Variants in PAK2 observed in about 807,000 individuals in gnomAD.
PAK2 encodes the protein serine/threonine-protein kinase PAK 2.
In PAK2, 21 loss-of-function variants were observed where a neutral mutation model predicts 65.9. The ratio of observed to expected loss-of-function variants is 0.32; its 90% CI spans 0.23 to 0.46. PAK2 has a LOEUF of 0.46. PAK2 is among the 20% of genes least tolerant of loss of function. The probability of loss-of-function intolerance (pLI) is 1.00; values close to 1 mark genes in which losing one functional copy is unlikely to be tolerated. For missense variants in PAK2, 324 were observed against 642.6 expected (o/e 0.50, Z 5.36); for synonymous variants, 204 against 219.7 (o/e 0.93, Z 0.63).
rs375173664 is a variant in PAK2 at position 196,765,393 on chromosome 3, C to T, written c.-21-17233C>T. Among the ~76,000 whole-genome samples the T allele has an allele frequency of 1.2e-3, 179 of 152,186 alleles. 1 individual carries two copies. The highest frequency in any genetic ancestry group is 4.1e-3 in the African/African-American group (171 of 41,520). On this transcript the variant is annotated intron_variant, in intron 1 of 14. Coordinates refer to ENST00000327134, the MANE Select transcript of PAK2 (RefSeq NM_002577.4). The stretch of plus-strand genomic sequence containing the variant: ...TCGAACTCCTGGCCTCAAGCAATCC[C>T]CCACCTCCGCCTCCTGAGTAACTGG...
chr3:196,824,156 T>C (rs1269026654), intron 13 of PAK2, among the ~76,000 whole-genome samples: 1 of 151,922 alleles, frequency 6.6e-6, no homozygotes, highest in East Asian at 1.9e-4. Flanking sequence ...CAAGAGAAAA[T>C]CATTAAGACT....
chr3:196,740,648 C>T (rs1307444004), intron 1 of PAK2, among the ~76,000 whole-genome samples: 1 of 152,186 alleles, frequency 6.6e-6, no homozygotes, highest in Non-Finnish European at 1.5e-5. Context: ...GTTTTCTCAG[C>T]TCCAGCCTGT....
intron 1 of PAK2, among the ~76,000 whole-genome samples, chr3:196,769,172 CA>C (rs1365561801): frequency 6.6e-6 from 1 of 151,666 alleles, no homozygotes; most frequent in Non-Finnish European, 1.5e-5. Flanking sequence ...ACAGAAAATA[CA>C]AAAATTAGCT....
chr3:196,764,897 C>T (rs1162931038), intron 1 of PAK2, among the ~76,000 whole-genome samples: 1 of 141,510 alleles, frequency 7.1e-6, no homozygotes, highest in East Asian at 2.1e-4. Flanking sequence ...GGCTGGAGTG[C>T]AGTGGTGCGA....
At chr3:196,758,505 T>G (rs1290278427) in intron 1 of PAK2, among the ~76,000 whole-genome samples, 1 of 152,146 alleles carries the variant, frequency 6.6e-6, no homozygotes, top group African/African-American at 2.4e-5. Context: ...TAGAAAAAAC[T>G]TAAAGCCTGA....
chr3:196,798,533 G>A (rs1430735581), intron 2 of PAK2, among the ~76,000 whole-genome samples: 1 of 151,866 alleles, frequency 6.6e-6, no homozygotes, highest in East Asian at 1.9e-4. Context: ...TAGTAGAGAC[G>A]AGACTTCACC....
chr3:196,799,740 C>T (rs1167249796), intron 2 of PAK2, among the ~76,000 whole-genome samples: 1 of 152,104 alleles, frequency 6.6e-6, no homozygotes, highest in Non-Finnish European at 1.5e-5. Context: ...CTGCAGCCTC[C>T]ACCTCCTGGG....
chr3:196,778,252 C>G (rs1171253191), intron 1 of PAK2, among the ~76,000 whole-genome samples: 1 of 152,132 alleles, frequency 6.6e-6, no homozygotes. Context: ...AAACAATATT[C>G]CATCTTATGG....
chr3:196,811,231 T>TCCCTTCCCTCCC (rs1560113637), intron 8 of PAK2, among the ~76,000 whole-genome samples: 1 of 2,864 alleles, frequency 3.5e-4, no homozygotes, highest in Non-Finnish European at 7.0e-4. Flanking sequence ...CTCCCTTCCC[T>TCCCTTCCCTCCC]TCCCTTCCTT....
At chr3:196,826,383 A>G (rs1459418044) in intron 13 of PAK2, among the ~76,000 whole-genome samples, 1 of 151,608 alleles carries the variant, frequency 6.6e-6, no homozygotes, top group Non-Finnish European at 1.5e-5. Flanking sequence ...CATGTTAGTC[A>G]GGATGCTCTC....
Position 196,794,170 on chromosome 3 carries a change from C to T in PAK2, c.188-7757C>T, listed in dbSNP as rs566565219. On this transcript the variant is annotated intron_variant, in intron 2 of 14. Transcript: ENST00000327134. Reference sequence around the variant, plus strand: ...AAGAAAATTCTCTCAAAGAATTAAACAGAAATACAAAGATGGAAAATATGA... The same window carrying T: ...AAGAAAATTCTCTCAAAGAATTAAATAGAAATACAAAGATGGAAAATATGA... Among the ~76,000 whole-genome samples, 7 of 152,186 alleles carry T rather than the reference C, an allele frequency of 4.6e-5. No homozygotes were observed. The South Asian group carries it at 1.5e-3, about 32-fold the overall frequency.
rs58174238 is a variant in PAK2, at chr3:196,761,145, CT to C, written c.-22+21005del. Among the ~76,000 whole-genome samples the C allele has an allele frequency of 3.5e-3, 418 of 119,500 alleles. 2 individuals carry two copies. The highest frequency in any genetic ancestry group is 0.01 in the South Asian group (36 of 3,556). The allele number at this position is 119,500 out of a possible 152,430, so 78.4% of individuals were successfully genotyped here. A position where few individuals can be genotyped will look rare whatever the true frequency, so the allele number is the denominator to read the frequency against. On this transcript the variant is annotated intron_variant, in intron 1 of 14. Coordinates refer to ENST00000327134, the MANE Select transcript of PAK2 (RefSeq NM_002577.4). ...CGGTAAGGCTGAGGCAGGAGAACCG[CT>C]TTTTTTTTTTTTTTTTAATTTATTT...
intron 1 of PAK2, among the ~76,000 whole-genome samples, chr3:196,778,537 C>T (rs992525859): frequency 2.0e-5 from 3 of 152,152 alleles, no homozygotes; most frequent in African/African-American, 7.2e-5. Context: ...TAGTAGATTT[C>T]CTGTATACCT....
At chr3:196,819,271 A>G (rs924695577) in intron 12 of PAK2, among the ~76,000 whole-genome samples, 8 of 151,990 alleles carry the variant, frequency 5.3e-5, no homozygotes, top group Non-Finnish European at 7.4e-5. Context: ...GCAAGACTCC[A>G]TCTCTACTAA....
At chr3:196,827,135 G>T in intron 13 of PAK2, 61 bp from the exon 14 acceptor site, 1 of 1,074,128 alleles carries the variant, frequency 9.3e-7, no homozygotes, top group Non-Finnish European at 1.4e-6. Context: ...AGACTTTATG[G>T]AGTGCTCTGT....
intron 2 of PAK2, among the ~76,000 whole-genome samples, chr3:196,800,430 TATGTAC>T (rs1241492161): frequency 7.2e-5 from 11 of 152,300 alleles, no homozygotes; most frequent in African/African-American, 2.6e-4. Context: ...AATTCATCTG[TATGTAC>T]ATTCATTCCA....
chr3:196,779,000 G>T (rs1181528524), intron 1 of PAK2, among the ~76,000 whole-genome samples: 1 of 152,080 alleles, frequency 6.6e-6, no homozygotes, highest in African/African-American at 2.4e-5. Context: ...GGTTAATAAG[G>T]CATGTTTGCC....
chr3:196,827,404 G>A, intron 14 of PAK2, 71 bp downstream of exon 14: 1 of 1,550,654 alleles, frequency 6.4e-7, no homozygotes, highest in Non-Finnish European at 8.7e-7. Context: ...GCTTTCCTAG[G>A]GCTAATAAGT....
intron 9 of PAK2, 47 bp downstream of exon 9, chr3:196,812,314 T>C (rs1715854870): frequency 8.8e-7 from 1 of 1,132,486 alleles, no homozygotes; most frequent in Non-Finnish European, 1.3e-6. Context: ...TTTTGTCATA[T>C]AGGTGGAAAC....
Sources: gnomAD v4.1 joint callset for allele counts (sites outside exome capture counted in the v4.1 genomes callset) on GRCh38, gnomAD v4.1.1 for gene constraint, MANE v1.5 for transcripts, NCBI Gene and HGNC (gene_info 2026-07-23, HGNC 2026-07-21) for gene names.